TMEM200A: variants seen among roughly 807,000 people sequenced by gnomAD.
TMEM200A encodes the protein transmembrane protein 200A, also known as two transmembrane C.
In TMEM200A, 12 loss-of-function variants were observed where a neutral mutation model predicts 24.3. That is an observed-to-expected ratio of 0.49 (90% CI 0.32 to 0.80). The LOEUF is 0.80. TMEM200A is among the 30% of genes least tolerant of loss of function. The pLI is 0.04. For synonymous variants in TMEM200A, 224 were observed against 224.4 expected, an observed-to-expected ratio of 1.00 and a Z score of 0.02; for missense variants, 545 against 614.4, an observed-to-expected ratio of 0.89 and a Z score of 1.19.
At chr6:130,379,307 T>C (rs751081077) in intron 1 of TMEM200A, among the ~76,000 whole-genome samples, 1 of 152,118 alleles carries the variant, frequency 6.6e-6, no homozygotes, top group Non-Finnish European at 1.5e-5. Context: ...TTCTTTCTCA[T>C]AAAGGGTTAC....
Position 130,440,856 on chromosome 6 carries a change from C to T in TMEM200A, c.434C>T (p.Ala145Val). The T allele has an allele frequency of 6.2e-7, 1 of 1,613,966 alleles. No individual in the cohort carries two copies. The highest frequency in any genetic ancestry group is 8.5e-7 in the Non-Finnish European group (1 of 1,179,984). ...ATTTTCATTTTCATTTGTGCTAATGCCATTCTTCATGAAAACCGTGACAAA... is the reference window on the plus strand; with the variant it reads ...ATTTTCATTTTCATTTGTGCTAATGTCATTCTTCATGAAAACCGTGACAAA... ...IGIFIFICAN[A>V]ILHENRDKET... Residue 145 changes from alanine to valine, a missense_variant, in exon 3 of 3, where the codon GCC becomes GTC. Ala to Val is a moderately conservative substitution (Grantham distance 64). Transcript: ENST00000296978.
chr6:130,427,172 G>GTACT (rs1425732794), intron 2 of TMEM200A, among the ~76,000 whole-genome samples: 1 of 152,004 alleles, frequency 6.6e-6, no homozygotes, highest in Non-Finnish European at 1.5e-5. Context: ...TTTTTGCTCT[G>GTACT]TACTTAGAGT....
chr6:130,434,729 A>G (rs542715662), intron 2 of TMEM200A, among the ~76,000 whole-genome samples: 2 of 152,284 alleles, frequency 1.3e-5, no homozygotes, highest in South Asian at 2.1e-4. Context: ...CAAAGCAGAA[A>G]TCTTCTCTTC....
chr6:130,417,906 G>A (rs374080365), intron 2 of TMEM200A, among the ~76,000 whole-genome samples: 5 of 152,108 alleles, frequency 3.3e-5, no homozygotes, highest in South Asian at 2.1e-4. Context: ...CTCCAACTTC[G>A]CTTGCTCTTA....
At chr6:130,367,893 G>A (rs897335369) in intron 1 of TMEM200A, among the ~76,000 whole-genome samples, 1 of 152,030 alleles carries the variant, frequency 6.6e-6, no homozygotes, top group Non-Finnish European at 1.5e-5. Context: ...TGTAACCCTG[G>A]TTATAATTAG....
intron 2 of TMEM200A, among the ~76,000 whole-genome samples, chr6:130,428,363 A>G (rs988953356): frequency 2.6e-5 from 4 of 152,248 alleles, no homozygotes; most frequent in African/African-American, 9.6e-5. Flanking sequence ...TTCTTCCCCA[A>G]TACAACTTTC....
intron 1 of TMEM200A, among the ~76,000 whole-genome samples, chr6:130,371,176 G>A (rs974531370): frequency 6.6e-6 from 1 of 152,148 alleles, no homozygotes; most frequent in Non-Finnish European, 1.5e-5. Context: ...GGGCCAGTAG[G>A]TGAAATGGCT....
intron 2 of TMEM200A, among the ~76,000 whole-genome samples, chr6:130,426,466 C>CG (rs1444477093): frequency 2.7e-5 from 4 of 150,416 alleles, no homozygotes; most frequent in African/African-American, 9.8e-5. Context: ...TGCAGCCCCC[C>CG]CCCCCTCAGT....
intron 2 of TMEM200A, among the ~76,000 whole-genome samples, chr6:130,428,012 T>C (rs996259630): frequency 6.6e-6 from 1 of 152,162 alleles, no homozygotes; most frequent in African/African-American, 2.4e-5. Context: ...TAGAAAGTGG[T>C]AGGGTGTATG....
At chr6:130,374,400 GT>G (rs1778395198) in intron 1 of TMEM200A, among the ~76,000 whole-genome samples, 1 of 52,372 alleles carries the variant, frequency 1.9e-5, no homozygotes, top group Admixed American at 2.1e-4. Context: ...CTGAGTTTTT[GT>G]TTTTGTTTTT....
In TMEM200A at chr6:130,441,907, G is replaced by A. The variant is rs771931322; in HGVS notation, c.*9G>A. The A allele has an allele frequency of 5.1e-6, 8 of 1,580,432 alleles. No homozygotes were observed. In the Admixed American group the frequency reaches 5.7e-5, roughly 11 times the overall value. Reference sequence around the variant, plus strand: ...CTGAAACAAGGTTTTAATGTTAAAAGAATATATCATTTTACAAGGGTATAT... The same window carrying A: ...CTGAAACAAGGTTTTAATGTTAAAAAAATATATCATTTTACAAGGGTATAT... On this transcript the variant is annotated 3_prime_UTR_variant, in exon 3 of 3. Transcript: ENST00000296978.
At chr6:130,406,498 T>A (rs1304200807) in intron 2 of TMEM200A, among the ~76,000 whole-genome samples, 1 of 152,200 alleles carries the variant, frequency 6.6e-6, no homozygotes, top group Non-Finnish European at 1.5e-5. Flanking sequence ...TATATAGTCT[T>A]CTGAAACTAG....
chr6:130,365,869 G>A (rs994515793), upstream of TMEM200A: 28 of 985,576 alleles, frequency 2.8e-5, no homozygotes, highest in Middle Eastern at 1.0e-3. Flanking sequence ...TGGCAGGACT[G>A]GGGTTTCCCA....
chr6:130,424,862 A>G (rs1490006394), intron 2 of TMEM200A, among the ~76,000 whole-genome samples: 1 of 152,114 alleles, frequency 6.6e-6, no homozygotes, highest in African/African-American at 2.4e-5. Flanking sequence ...ATGCATGCAA[A>G]TCAATTCATG....
chr6:130,370,154 G>A (rs1380454138), intron 1 of TMEM200A, among the ~76,000 whole-genome samples: 2 of 152,078 alleles, frequency 1.3e-5, no homozygotes, highest in Admixed American at 6.6e-5. Context: ...TGTATTCTGA[G>A]GCACTCTTTC....
chr6:130,429,895 C>G (rs1457487363), intron 2 of TMEM200A, among the ~76,000 whole-genome samples: 4 of 152,088 alleles, frequency 2.6e-5, no homozygotes, highest in South Asian at 2.1e-4. Context: ...GTGTATAAAT[C>G]AGTTCTAGAA....
At chr6:130,397,521 G>T (rs1339991008) in intron 2 of TMEM200A, among the ~76,000 whole-genome samples, 1 of 151,924 alleles carries the variant, frequency 6.6e-6, no homozygotes, top group Non-Finnish European at 1.5e-5. Context: ...CCTCTTTGGA[G>T]TCTATTTTAT....
At chr6:130,412,128 G>C (rs541143324) in intron 2 of TMEM200A, among the ~76,000 whole-genome samples, 5 of 142,614 alleles carry the variant, frequency 3.5e-5, no homozygotes, top group Non-Finnish European at 7.5e-5. Flanking sequence ...TAATCGTTGT[G>C]AGCTCATCTT....
At chr6:130,400,058 A>G (rs1391335734) in intron 2 of TMEM200A, among the ~76,000 whole-genome samples, 1 of 151,850 alleles carries the variant, frequency 6.6e-6, no homozygotes, top group African/African-American at 2.4e-5. Context: ...ATATATATAT[A>G]CATACACACA....
Sources: allele counts gnomAD v4.1 joint callset (sites outside exome capture counted in the v4.1 genomes callset), GRCh38; gene constraint gnomAD v4.1.1; transcripts MANE v1.5; gene names NCBI Gene and HGNC (gene_info 2026-07-23, HGNC 2026-07-21).